ITGBL1: variants seen among roughly 807,000 people sequenced by gnomAD.
ITGBL1 encodes the protein integrin subunit beta like 1.
A neutral mutation model predicts 68.5 loss-of-function variants in ITGBL1; 51 were observed. That is an observed-to-expected ratio of 0.74 (90% CI 0.59 to 0.94). ITGBL1 has a LOEUF of 0.94. Ranked by LOEUF, ITGBL1 falls within the 40% of genes least tolerant of loss-of-function variation. ITGBL1 has a pLI of 0.00. For synonymous variants in ITGBL1, 209 were observed against 227.3 expected, an observed-to-expected ratio of 0.92 and a Z score of 0.72; for missense variants, 649 against 647.4, an observed-to-expected ratio of 1.00 and a Z score of -0.03.
chr13:101,621,572 A>C (rs1173024490), intron 7 of ITGBL1, among the ~76,000 whole-genome samples: 1 of 152,174 alleles, frequency 6.6e-6, no homozygotes, highest in Non-Finnish European at 1.5e-5. Flanking sequence ...TGAGCTTTGC[A>C]TAGCCATTGA....
intron 7 of ITGBL1, among the ~76,000 whole-genome samples, chr13:101,630,051 T>C (rs1383699955): frequency 2.6e-5 from 4 of 152,314 alleles, no homozygotes; most frequent in Non-Finnish European, 2.9e-5. Flanking sequence ...CTTGAACTCC[T>C]GACCTTGTGA....
intron 2 of ITGBL1, among the ~76,000 whole-genome samples, chr13:101,458,393 A>G (rs189797092): frequency 6.9e-4 from 105 of 152,364 alleles, no homozygotes; most frequent in Admixed American, 3.1e-3. Flanking sequence ...TAGGGCTACA[A>G]GGGTTGGCTT....
downstream of ITGBL1, chr13:101,719,210 T>G (rs1246532609): frequency 6.6e-6 from 1 of 152,116 alleles, no homozygotes; most frequent in African/African-American, 2.4e-5. Context: ...GGTTTTTGCT[T>G]TTAAAGACAA....
chr13:101,621,357 A>C (rs1357191171), intron 7 of ITGBL1, among the ~76,000 whole-genome samples: 1 of 152,036 alleles, frequency 6.6e-6, no homozygotes, highest in Non-Finnish European at 1.5e-5. Flanking sequence ...ATTTCTGTTT[A>C]TTTGTCATAC....
At chr13:101,596,419 A>G (rs1393997611) in intron 6 of ITGBL1, among the ~76,000 whole-genome samples, 1 of 152,108 alleles carries the variant, frequency 6.6e-6, no homozygotes, top group Admixed American at 6.6e-5. Context: ...AGTACATCTT[A>G]GATATTCCCA....
Position 101,674,156 on chromosome 13 carries a change from G to A in ITGBL1, c.1016-18429G>A, listed in dbSNP as rs370189135. Among the ~76,000 whole-genome samples the A allele has an allele frequency of 2.0e-5, 3 of 152,296 alleles. No homozygotes were observed. The South Asian group carries it at 6.2e-4, about 32-fold the overall frequency. Reference sequence around the variant, plus strand: ...TGACAAAACTACAATCATATACAAAGCCATTGCAACCTAATACACACACAC... The same window carrying A: ...TGACAAAACTACAATCATATACAAAACCATTGCAACCTAATACACACACAC... On this transcript the variant is annotated intron_variant, in intron 7 of 10. Coordinates refer to ENST00000376180, the MANE Select transcript of ITGBL1 (RefSeq NM_004791.3).
chr13:101,626,946 C>G (rs1181504640), intron 7 of ITGBL1, among the ~76,000 whole-genome samples: 4 of 152,086 alleles, frequency 2.6e-5, no homozygotes, highest in African/African-American at 4.8e-5. Flanking sequence ...GAGCCCTGGA[C>G]TAGGAGGCAG....
At chr13:101,612,415 A>G (rs939919371) in intron 7 of ITGBL1, among the ~76,000 whole-genome samples, 1 of 152,172 alleles carries the variant, frequency 6.6e-6, no homozygotes, top group Non-Finnish European at 1.5e-5. Context: ...AAACATAAGA[A>G]AATATGGAGT....
chr13:101,453,061 G>C, intron 1 of ITGBL1, 130 bp downstream of exon 1: 1 of 696,250 alleles, frequency 1.4e-6, no homozygotes, highest in Non-Finnish European at 2.5e-6. Flanking sequence ...TTTTCAACCT[G>C]TTCCTTTTCC....
intron 7 of ITGBL1, among the ~76,000 whole-genome samples, chr13:101,602,245 A>G (rs924695360): frequency 6.6e-6 from 1 of 152,116 alleles, no homozygotes; most frequent in Admixed American, 6.6e-5. Context: ...AATTCATTGT[A>G]TAAACAAATA....
rs574718925 is a variant in ITGBL1 at position 101,570,494 on chromosome 13, G to T, written c.463+2649G>T. On this transcript the variant is annotated intron_variant, in intron 3 of 10. Transcript: ENST00000376180. The stretch of plus-strand genomic sequence containing the variant: ...CAGGGATACTTATTTCCACTGGAGG[G>T]TATTTGCTTCTTGGCCCTTTCTGCA... 6.6e-5 allele frequency among the ~76,000 whole-genome samples: 10 copies of T among 152,132 alleles called. No homozygotes were observed. In the South Asian group the frequency reaches 2.1e-3, roughly 32 times the overall value.
chr13:101,471,532 ATGTGTG>A (rs150659546), intron 2 of ITGBL1, among the ~76,000 whole-genome samples: 1,391 of 110,472 alleles, frequency 0.013, 25 homozygotes, highest in African/African-American at 0.04. Flanking sequence ...GTGTGTATGT[ATGTGTG>A]TGTGTGTGTG....
At chr13:101,512,362 A>C (rs1164610141) in intron 2 of ITGBL1, among the ~76,000 whole-genome samples, 1 of 152,156 alleles carries the variant, frequency 6.6e-6, no homozygotes, top group African/African-American at 2.4e-5. Context: ...CGTCTCTTCT[A>C]AGATTTACCT....
At chr13:101,557,201 T>A (rs1249142793) in intron 2 of ITGBL1, among the ~76,000 whole-genome samples, 1 of 152,198 alleles carries the variant, frequency 6.6e-6, no homozygotes, top group Non-Finnish European at 1.5e-5. Flanking sequence ...ATATTATTAA[T>A]GTTTATCAAA....
chr13:101,622,771 G>A (rs1482598237), intron 7 of ITGBL1, among the ~76,000 whole-genome samples: 2 of 152,088 alleles, frequency 1.3e-5, no homozygotes, highest in Admixed American at 6.6e-5. Flanking sequence ...TGTAGTTAGA[G>A]ATCCATGAAT....
chr13:101,531,488 G>A (rs1423609641), intron 2 of ITGBL1, among the ~76,000 whole-genome samples: 2 of 151,962 alleles, frequency 1.3e-5, no homozygotes, highest in Non-Finnish European at 2.9e-5. Context: ...TAACAATATA[G>A]AGTGAAGTCA....
At chr13:101,617,217 T>C (rs1223959110) in intron 7 of ITGBL1, among the ~76,000 whole-genome samples, 1 of 152,130 alleles carries the variant, frequency 6.6e-6, no homozygotes, top group African/African-American at 2.4e-5. Flanking sequence ...CCTTGTGATA[T>C]CCAGTTTTAT....
At chr13:101,493,821 C>T (rs7337798) in intron 2 of ITGBL1, among the ~76,000 whole-genome samples, 1 of 152,114 alleles carries the variant, frequency 6.6e-6, no homozygotes, top group African/African-American at 2.4e-5. Flanking sequence ...TCTTTGGGGA[C>T]CTTTCAGAAT....
intron 7 of ITGBL1, among the ~76,000 whole-genome samples, chr13:101,601,350 C>T (rs191460569): frequency 0.21 from 31,275 of 151,916 alleles, 3,313 homozygotes; most frequent in Admixed American, 0.26. Context: ...GTCTTGCTAC[C>T]GGTCTATCAA....
Sources: gnomAD v4.1 joint callset for allele counts (sites outside exome capture counted in the v4.1 genomes callset) on GRCh38, gnomAD v4.1.1 for gene constraint, MANE v1.5 for transcripts, NCBI Gene and HGNC (gene_info 2026-07-23, HGNC 2026-07-21) for gene names.